Variants in VRTN observed in about 807,000 individuals in gnomAD.
VRTN encodes vertnin.
Under a neutral mutation model 18.2 loss-of-function variants are expected in VRTN, and 5 were observed. That is an observed-to-expected ratio of 0.27 (90% confidence interval 0.14 to 0.58). The LOEUF is 0.58. VRTN is among the 20% of genes least tolerant of loss of function. VRTN has a pLI of 0.91. For missense variants in VRTN, 741 were observed against 939.4 expected (o/e 0.79, Z 2.76); for synonymous variants, 381 against 393.7 (o/e 0.97, Z 0.38).
At chr14:74,319,919 T>C (rs981778512) in intron 1 of VRTN, among the ~76,000 whole-genome samples, 3 of 152,132 alleles carry the variant, frequency 2.0e-5, no homozygotes, top group African/African-American at 7.2e-5. Context: ...TGGACAAATG[T>C]GTTGTCCTGA....
At chr14:74,309,754 GTT>G (rs1225680774) in intron 1 of VRTN, among the ~76,000 whole-genome samples, 1 of 152,130 alleles carries the variant, frequency 6.6e-6, no homozygotes, top group Non-Finnish European at 1.5e-5. Context: ...TGCTTATACT[GTT>G]TTCTAATGGG....
At chr14:74,308,918 A>G (rs1057147845) in intron 1 of VRTN, among the ~76,000 whole-genome samples, 5 of 150,024 alleles carry the variant, frequency 3.3e-5, no homozygotes, top group African/African-American at 4.9e-5. Context: ...GATGGAATGC[A>G]GTGGTATGAT....
chr14:74,359,155 A>T lies in VRTN; in HGVS notation c.*263A>T. 1 of 612,364 alleles carries T rather than the reference A, an allele frequency of 1.6e-6. No individual in the cohort carries two copies. The highest frequency in any genetic ancestry group is 7.0e-5 in the South Asian group (1 of 14,382). The allele number at this position is 612,364 out of a possible 1,614,324, so 37.9% of individuals were successfully genotyped here. A position where few individuals can be genotyped will look rare whatever the true frequency, so the allele number is the denominator to read the frequency against. ...GGTCATATTTTTACTGTTATGATTT[A>T]GTTTTTGGTTTTGATTTGAGTGGGT... On this transcript the variant is annotated 3_prime_UTR_variant, in exon 2 of 2. Transcript: ENST00000256362.
Position 74,357,569 on chromosome 14 carries a change from C to T in VRTN, c.786C>T (p.Ala262=), listed in dbSNP as rs1305849281. The T allele has an allele frequency of 6.2e-7, 1 of 1,613,938 alleles. No homozygotes were observed. Among genetic ancestry groups the T allele is most frequent in the Admixed American group, 1.7e-5 (1 of 60,014 alleles). Residue 262 remains alanine, a synonymous_variant, in exon 2 of 2, where the codon GCC becomes GCT. Transcript: ENST00000256362. This position sits in a 1 kb window ranked among gnomAD's most constrained non-coding sequence, Gnocchi z 7.8. ...PGVAPALPAL[A]PLSSPAKTLE... ...TGGCCCCAGCTCTTCCAGCCCTGGC[C>T]CCACTCTCATCGCCGGCCAAGACCC...
At chr14:74,352,606 G>A (rs753417487) in intron 1 of VRTN, among the ~76,000 whole-genome samples, 1 of 152,054 alleles carries the variant, frequency 6.6e-6, no homozygotes, top group African/African-American at 2.4e-5. Flanking sequence ...GCTGAAGTCC[G>A]GTGGCGTGAT....
At chr14:74,319,878 G>A (rs1231770503) in intron 1 of VRTN, among the ~76,000 whole-genome samples, 1 of 152,156 alleles carries the variant, frequency 6.6e-6, no homozygotes, top group East Asian at 1.9e-4. Context: ...CAAAGGAGAT[G>A]GAGAAGGAGC....
chr14:74,342,706 C>G (rs1190632234), intron 2 of VRTN, among the ~76,000 whole-genome samples: 2 of 151,856 alleles, frequency 1.3e-5, no homozygotes, highest in Non-Finnish European at 2.9e-5. Context: ...GGTGTGATCA[C>G]AGCTCACTAC....
At position 74,337,722 on chromosome 14, in the gene VRTN, G is replaced by A. The variant is rs1324995605; in HGVS notation, c.-163-1G>A. Reference sequence around the variant, plus strand: ...ATTGACAAGCCTTCTTGCCTCGCCAGGTACGTTTCCTGAGGACAGCTGCTC... The same window carrying A: ...ATTGACAAGCCTTCTTGCCTCGCCAAGTACGTTTCCTGAGGACAGCTGCTC... On this transcript the variant is annotated splice_acceptor_variant, in intron 1 of 2. Transcript: ENST00000557177. LOFTEE classifies it low-confidence loss of function (5UTR_SPLICE). 6.6e-6 allele frequency: 1 copy of A among 152,212 alleles called. No individual in the cohort carries two copies. 9.4% of individuals were successfully genotyped at this position (152,212 alleles called of 1,614,324 possible).
Position 74,357,841 on chromosome 14 carries a change from A to G in VRTN, c.1058A>G (p.Glu353Gly). 1 of 1,613,664 alleles carries G rather than the reference A, an allele frequency of 6.2e-7. No homozygotes were observed. Among genetic ancestry groups the G allele is most frequent in the Non-Finnish European group, 8.5e-7 (1 of 1,180,034 alleles). ...SRSTYYAWKHELLGSGTCPAL... is the reference protein window; with the variant it reads ...SRSTYYAWKHGLLGSGTCPAL... The stretch of plus-strand genomic sequence containing the variant: ...TCAACCTACTATGCCTGGAAGCATG[A>G]GCTGCTGGGCTCTGGCACCTGCCCG... Residue 353 changes from glutamate to glycine, a missense_variant, in exon 2 of 2, where the codon GAG becomes GGG. By Grantham distance (98) the Glu-to-Gly change is moderately conservative. Coordinates refer to ENST00000256362, the MANE Select transcript of VRTN (RefSeq NM_018228.3). The surrounding 1 kb of genome is among the most constrained non-coding windows in gnomAD (Gnocchi z 7.8).
chr14:74,347,977 T>C (rs2140209892), upstream of VRTN, among the ~76,000 whole-genome samples: 1 of 152,294 alleles, frequency 6.6e-6, no homozygotes, highest in Non-Finnish European at 1.5e-5. Context: ...TGCCCCATGA[T>C]GGGGCCGTGA....
At chr14:74,314,336 G>T (rs2085406190) in intron 1 of VRTN, among the ~76,000 whole-genome samples, 1 of 149,648 alleles carries the variant, frequency 6.7e-6, no homozygotes, top group Non-Finnish European at 1.5e-5. Context: ...TTGTGTAATT[G>T]TATGTGACGT....
intron 1 of VRTN, among the ~76,000 whole-genome samples, chr14:74,320,558 G>A (rs1359036371): frequency 1.6e-4 from 17 of 107,238 alleles, no homozygotes; most frequent in African/African-American, 4.2e-4. Context: ...CACTGCGCCC[G>A]GCCTCTTTTT....
At chr14:74,320,407 C>A (rs376649935) in intron 1 of VRTN, among the ~76,000 whole-genome samples, 1 of 149,622 alleles carries the variant, frequency 6.7e-6, no homozygotes, top group Non-Finnish European at 1.5e-5. Context: ...ACTACAGGCG[C>A]CCGCCGCCAC....
At chr14:74,319,669 A>G (rs1210488277) in intron 1 of VRTN, among the ~76,000 whole-genome samples, 1 of 152,200 alleles carries the variant, frequency 6.6e-6, no homozygotes, top group African/African-American at 2.4e-5. Flanking sequence ...GATGTTACAT[A>G]AGCAATTGGC....
At chr14:74,303,843 A>ATTTTTTTTTTTTTTTTT (rs67822776) in intron 1 of VRTN, among the ~76,000 whole-genome samples, 3 of 88,492 alleles carry the variant, frequency 3.4e-5, no homozygotes, top group African/African-American at 1.6e-4. Flanking sequence ...ACAATTACAG[A>ATTTTTTTTTTTTTTTTT]TTTTTTTTTT....
intron 1 of VRTN, among the ~76,000 whole-genome samples, chr14:74,314,371 A>G (rs2085406428): frequency 6.6e-6 from 1 of 151,254 alleles, no homozygotes; most frequent in Non-Finnish European, 1.5e-5. Flanking sequence ...ATGAGGACCA[A>G]AAGACTCAAG....
upstream of VRTN, among the ~76,000 whole-genome samples, chr14:74,345,025 T>C (rs756569282): frequency 2.0e-5 from 3 of 152,088 alleles, no homozygotes; most frequent in Non-Finnish European, 2.9e-5. Context: ...AATCCTGATC[T>C]TTTTGTAAAA....
At chr14:74,346,138 T>TAA (rs1035937568), upstream of VRTN, among the ~76,000 whole-genome samples, 31 of 142,580 alleles carry the variant, frequency 2.2e-4, no homozygotes, top group African/African-American at 7.4e-4. Flanking sequence ...CTGTTTCTAT[T>TAA]AAAAAAAAAA....
At chr14:74,353,241 A>G (rs2085698898) in intron 1 of VRTN, among the ~76,000 whole-genome samples, 2 of 152,248 alleles carry the variant, frequency 1.3e-5, no homozygotes, top group South Asian at 4.1e-4. Flanking sequence ...GTGAGCAAAG[A>G]ATGAGCCACT....
Sources: gnomAD v4.1 joint callset for allele counts (sites outside exome capture counted in the v4.1 genomes callset) on GRCh38, gnomAD v4.1.1 for gene constraint, Gnocchi (gnomAD v3.1) non-coding constraint, MANE v1.5 for transcripts, NCBI Gene and HGNC (gene_info 2026-07-23, HGNC 2026-07-21) for gene names.